The following ZP4 variants were observed in gnomAD, a reference collection of about 807,000 sequenced individuals.
The protein encoded by ZP4 is zona pellucida glycoprotein 4, also known as zona pellucida sperm-binding protein 4.
A neutral mutation model predicts 62.3 loss-of-function variants in ZP4; 62 were observed. The observed-to-expected ratio is 0.99, with a 90% CI of 0.81 to 1.23. ZP4 has a LOEUF of 1.23. ZP4 is among the 50% of genes most tolerant of loss of function. The pLI, the probability that ZP4 is intolerant of heterozygous loss-of-function variation, is 0.00. For synonymous variants in ZP4, 289 were observed against 247.3 expected, an observed-to-expected ratio of 1.17 and a Z score of -1.58; for missense variants, 774 against 656.0, an observed-to-expected ratio of 1.18 and a Z score of -1.97.
At position 237,890,451 on chromosome 1, in the gene ZP4, T is replaced by A; in HGVS notation, c.175+10A>T. On this transcript the variant is annotated intron_variant, in intron 1 of 11. Coordinates refer to ENST00000366570, the MANE Select transcript of ZP4 (RefSeq NM_021186.5). ...TTGCTTGGCTAAGCAAGGCAAGTCA[T>A]CAAACTTACCCCAAGCTATTAGTAC... 4 of 1,602,856 alleles carry A rather than the reference T, an allele frequency of 2.5e-6. 1 individual carries two copies. The highest frequency in any genetic ancestry group is 3.4e-6 in the Non-Finnish European group (4 of 1,175,016).
chr1:237,883,956 TCACACACACAAACACACACACACACAAA>T (rs1665006879), intron 10 of ZP4, among the ~76,000 whole-genome samples: 27 of 127,206 alleles, frequency 2.1e-4, no homozygotes, highest in African/African-American at 9.1e-4. Context: ...CAAGAACTGG[TCACACACACAAACACACACACACACAAA>T]CACACACACA....
chr1:237,886,759 C>T lies in ZP4; in HGVS notation c.839+12G>A, dbSNP rs1252886052. On this transcript the variant is annotated intron_variant, in intron 6 of 11. Transcript: ENST00000366570. ...TATGGCAGATGGGAAGTCATTCTGG[C>T]CAAGCCCTTACCTGAAGATGCTGTC... The T allele has an allele frequency of 1.2e-6, 2 of 1,611,948 alleles. No individual in the cohort carries two copies. The highest frequency in any genetic ancestry group is 8.5e-7 in the Non-Finnish European group (1 of 1,178,652).
At chr1:237,884,702 C>A (rs1035713171) in intron 10 of ZP4, 67 bp downstream of exon 10, 29 of 1,459,910 alleles carry the variant, frequency 2.0e-5, no homozygotes, top group Non-Finnish European at 2.8e-5. Context: ...TGGCCAGAGA[C>A]TAGGAAAGGT....
In ZP4 at chr1:237,885,372, G is replaced by A. The variant is rs746827006; in HGVS notation, c.1160+19C>T. 2.0e-5 allele frequency: 33 copies of A among 1,611,032 alleles called. No homozygotes were observed. Among genetic ancestry groups the A allele is most frequent in the East Asian group, 4.5e-5 (2 of 44,844 alleles). ...CTTCTTTGAGAATTTCAGCACAGGT[G>A]TATGAAAGAACCACTTACCCCTTTA... On this transcript the variant is annotated intron_variant, in intron 8 of 11. Transcript: ENST00000366570.
At chr1:237,883,374 G>A (rs1290070905) in intron 10 of ZP4, among the ~76,000 whole-genome samples, 1 of 151,484 alleles carries the variant, frequency 6.6e-6, no homozygotes, top group African/African-American at 2.4e-5. Context: ...AAAGCTTTCT[G>A]GAGTTTGAGA....
chr1:237,890,247 G>C (rs1665209673), intron 1 of ZP4, 71 bp from the exon 2 acceptor site: 1 of 1,606,544 alleles, frequency 6.2e-7, no homozygotes, highest in African/African-American at 1.3e-5. Context: ...AGTCAGCCTT[G>C]CCATTAGACC....
chr1:237,887,683 A>G (rs527685349), intron 4 of ZP4, 122 bp from the exon 5 acceptor site: 2 of 1,015,280 alleles, frequency 2.0e-6, no homozygotes, highest in African/African-American at 3.2e-5. Context: ...CTTCCCAGTG[A>G]CAACCTCAGT....
Position 237,890,705 on chromosome 1 carries a change from C to G in ZP4, c.-70G>C. The G allele has an allele frequency of 6.5e-7, 1 of 1,527,480 alleles. No homozygotes were observed. The highest frequency in any genetic ancestry group is 8.8e-7 in the Non-Finnish European group (1 of 1,133,326). The allele number at this position is 1,527,480 out of a possible 1,614,324, so 94.6% of individuals were successfully genotyped here. Reference sequence around the variant, plus strand: ...CTCCCAAGAGCCGAGGGTCTGCCTGCCCAGATTCCTTTATATACAGAAGTC... The same window carrying G: ...CTCCCAAGAGCCGAGGGTCTGCCTGGCCAGATTCCTTTATATACAGAAGTC... On this transcript the variant is annotated 5_prime_UTR_variant, in exon 1 of 12. Coordinates refer to ENST00000366570, the MANE Select transcript of ZP4 (RefSeq NM_021186.5).
Position 237,884,811 on chromosome 1 carries a change from C to G in ZP4, c.1348G>C (p.Ala450Pro). The part of the protein sequence containing the change: ...LHCSVSVCQP[A>P]ETPSCVVTCP... ...GTCACCACACAGGATGGTGTCTCAG[C>G]AGGCTGGCAGACTGACACGCTGCAG... Residue 450 changes from alanine (A) to proline (P), a missense_variant, in exon 10 of 12, where the codon GCT (alanine) becomes CCT (proline). Coordinates refer to ENST00000366570, the MANE Select transcript of ZP4 (RefSeq NM_021186.5). 1.9e-6 allele frequency: 3 copies of G among 1,613,438 alleles called. No individual in the cohort carries two copies. Among genetic ancestry groups the G allele is most frequent in the Non-Finnish European group, 2.5e-6 (3 of 1,179,692 alleles).
chr1:237,887,285 C>T lies in ZP4; in HGVS notation c.741+89G>A, dbSNP rs1665125875. On this transcript the variant is annotated intron_variant, in intron 5 of 11. Transcript: ENST00000366570. Reference sequence around the variant, plus strand: ...CCAAGTAGTAGTCACAAGTATCGTTCACGGCCAACATATTTCAGCTCTCCC... The same window carrying T: ...CCAAGTAGTAGTCACAAGTATCGTTTACGGCCAACATATTTCAGCTCTCCC... 43 of 1,463,798 alleles carry T rather than the reference C, an allele frequency of 2.9e-5. 1 individual carries two copies. The highest frequency in any genetic ancestry group is 1.8e-4 in the Middle Eastern group (1 of 5,544). 90.7% of individuals were successfully genotyped at this position (1,463,798 alleles called of 1,614,324 possible).
At position 237,883,726 on chromosome 1, in the gene ZP4, G is replaced by GAAGA. The variant is rs1558530140; in HGVS notation, c.1391-881_1391-880insTCTT. ...GGGCGGGGGAGGGCGGGGGAGGGCGGGGGAGGGAGAGAGAGGGAGAGAGAG... is the reference window on the plus strand; with the variant it reads ...GGGCGGGGGAGGGCGGGGGAGGGCGGAAGAGGGAGGGAGAGAGAGGGAGAGAGAG... On this transcript the variant is annotated intron_variant, in intron 10 of 11. Transcript: ENST00000366570. Among the ~76,000 whole-genome samples the GAAGA allele has an allele frequency of 8.6e-4, 14 of 16,232 alleles. 1 individual carries two copies. The highest frequency in any genetic ancestry group is 6.4e-3 in the East Asian group (1 of 156). The allele number at this position is 16,232 out of a possible 152,430, so 10.6% of individuals were successfully genotyped here.
rs1665131545 is a variant in ZP4, at chr1:237,887,468, G to A, written c.647C>T (p.Ala216Val). The A allele has an allele frequency of 5.0e-6, 8 of 1,614,058 alleles. No individual in the cohort carries two copies. Among genetic ancestry groups the A allele is most frequent in the Admixed American group, 1.7e-5 (1 of 60,000 alleles). The change falls in exon 5 of 12, where the codon GCC (alanine) becomes GTC (valine). Residue 216 changes from alanine (A) to valine (V), a missense_variant. By Grantham distance (64) the Ala-to-Val change is moderately conservative (BLOSUM62 0). Transcript: ENST00000366570. Reference sequence around the variant, plus strand: ...GTTACACGCACTGTCATTCCTAAGGGCCAAGCGCACAGAATCCAAGAGCAG... The same window carrying A: ...GTTACACGCACTGTCATTCCTAAGGACCAAGCGCACAGAATCCAAGAGCAG... ...PPLLLDSVRLALRNDSACNPV... is the reference protein window; with the variant it reads ...PPLLLDSVRLVLRNDSACNPV...
intron 5 of ZP4, 108 bp from the exon 6 acceptor site, chr1:237,886,976 C>A: frequency 1.1e-6 from 1 of 941,970 alleles, no homozygotes; most frequent in South Asian, 1.5e-5. Context: ...TGGTATATTT[C>A]CTATTACTTC....
At chr1:237,883,647 G>GGA (rs1177562367) in intron 10 of ZP4, among the ~76,000 whole-genome samples, 16 of 6,108 alleles carry the variant, frequency 2.6e-3, no homozygotes, top group Admixed American at 8.6e-3. Flanking sequence ...GGAGGGCGGG[G>GGA]GAGGGCGGGG....
chr1:237,885,717 T>C lies in ZP4; in HGVS notation c.970+39A>G, dbSNP rs527579177. On this transcript the variant is annotated intron_variant, in intron 7 of 11. Transcript: ENST00000366570. ...TCTTCATGCCCCAGAAGACTGGATT[T>C]AGACTATAGGCCAGATACTCCAGCC... 130 of 1,610,886 alleles carry C rather than the reference T, an allele frequency of 8.1e-5. 2 individuals are homozygous for C. In the Middle Eastern group the frequency reaches 1.0e-3, roughly 12 times the overall value.
intron 10 of ZP4, among the ~76,000 whole-genome samples, 197 bp downstream of exon 10, chr1:237,884,572 C>T (rs1665049880): frequency 6.6e-6 from 1 of 152,150 alleles, no homozygotes; most frequent in African/African-American, 2.4e-5. Context: ...TGAGGGTTAC[C>T]CGAACATTTA....
Position 237,890,169 on chromosome 1 carries a change from T to C in ZP4, c.183A>G (p.Gln61=), listed in dbSNP as rs768854346. 5.0e-6 allele frequency: 8 copies of C among 1,613,870 alleles called. No individual in the cohort carries two copies. The South Asian group carries it at 8.8e-5, about 18-fold the overall frequency. Residue 61 remains glutamine (Q), a synonymous_variant, in exon 2 of 12, where the codon CAA becomes CAG. Coordinates refer to ENST00000366570, the MANE Select transcript of ZP4 (RefSeq NM_021186.5). The part of the protein sequence containing the change: ...SPPVLIAWDN[Q]GLLHELQNDS... ...CATTCTGCAGCTCGTGCAGCAGCCC[T>C]TGGTTGTCTGGAGGGGTGGGGAAGA...
intron 10 of ZP4, among the ~76,000 whole-genome samples, chr1:237,883,619 TGGGAGAGAGGGGGAGG>T (rs1664967913): frequency 2.8e-5 from 2 of 72,554 alleles, no homozygotes; most frequent in Non-Finnish European, 2.5e-5. Context: ...GAGGCTGAGG[TGGGAGAGAGGGGGAGG>T]GGGAGGGCGG....
At chr1:237,883,726 GGGGAGGGAGAGAGAGGGAGA>G (rs1664985988) in intron 10 of ZP4, among the ~76,000 whole-genome samples, 1 of 16,226 alleles carries the variant, frequency 6.2e-5, no homozygotes, top group Non-Finnish European at 1.1e-4. Context: ...GGGGAGGGCG[GGGGAGGGAGAGAGAGGGAGA>G]GAGAGGGAGA....
Sources: gnomAD v4.1 joint callset for allele counts (sites outside exome capture counted in the v4.1 genomes callset) on GRCh38, gnomAD v4.1.1 for gene constraint, MANE v1.5 for transcripts, NCBI Gene and HGNC (gene_info 2026-07-23, HGNC 2026-07-21) for gene names.